AIDA: variants seen among roughly 807,000 people sequenced by gnomAD.
AIDA encodes axin interactor, dorsalization-associated protein.
Under a neutral mutation model 42.7 loss-of-function variants are expected in AIDA, and 18 were observed. The ratio of observed to expected loss-of-function variants is 0.42; its 90% CI spans 0.29 to 0.63. The LOEUF (loss-of-function observed/expected upper bound fraction) is 0.63, where lower values mean the gene tolerates loss of function less well. AIDA is among the 20% of genes least tolerant of loss of function. The pLI, the probability that AIDA is intolerant of heterozygous loss-of-function variation, is 0.19. For synonymous variants in AIDA, 104 were observed against 122.9 expected (o/e 0.85, Z 1.02); for missense variants, 250 against 354.1 (o/e 0.71, Z 2.36).
At chr1:222,688,889 G>A (rs184556110) in intron 4 of AIDA, among the ~76,000 whole-genome samples, 3 of 152,124 alleles carry the variant, frequency 2.0e-5, no homozygotes, top group East Asian at 3.9e-4. Context: ...AACAGCCTCA[G>A]GCAGGTCCTT....
rs766051663 is a variant in AIDA at position 222,687,634 on chromosome 1, T to C, written c.314A>G (p.Asn105Ser). ...CTGAACATCAAATGGGAATTCTTTA[T>C]TATATGTAAGAATATTCTTTAGGAC... ...EPILKNILTYNKEFPFDVQPV... is the reference protein window; with the variant it reads ...EPILKNILTYSKEFPFDVQPV... The change falls in exon 5 of 10, where the codon AAT (asparagine) becomes AGT (serine). Residue 105 changes from asparagine to serine, a missense_variant. Coordinates refer to ENST00000340020, the MANE Select transcript of AIDA (RefSeq NM_022831.4). The C allele has an allele frequency of 1.3e-6, 2 of 1,496,190 alleles. No individual in the cohort carries two copies. Among genetic ancestry groups the C allele is most frequent in the South Asian group, 1.2e-5 (1 of 81,026 alleles). The allele number at this position is 1,496,190 out of a possible 1,614,324, so 92.7% of individuals were successfully genotyped here.
intron 4 of AIDA, among the ~76,000 whole-genome samples, chr1:222,692,515 T>C (rs1416308938): frequency 6.6e-6 from 1 of 152,210 alleles, no homozygotes; most frequent in Non-Finnish European, 1.5e-5. Flanking sequence ...GATTATTTTT[T>C]AATTATGAGA....
At chr1:222,692,478 A>G (rs1412559132) in intron 4 of AIDA, among the ~76,000 whole-genome samples, 2 of 152,338 alleles carry the variant, frequency 1.3e-5, no homozygotes, top group East Asian at 3.9e-4. Context: ...TGTGGTAGGC[A>G]AAATGGGTAA....
chr1:222,705,424 T>TA (rs1351078220), intron 1 of AIDA, among the ~76,000 whole-genome samples: 1 of 152,226 alleles, frequency 6.6e-6, no homozygotes, highest in East Asian at 1.9e-4. Flanking sequence ...TCAGGGAAGT[T>TA]ACAGTGTGGA....
intron 1 of AIDA, among the ~76,000 whole-genome samples, chr1:222,704,184 G>A (rs567282997): frequency 5.8e-4 from 88 of 152,270 alleles, no homozygotes; most frequent in African/African-American, 2.0e-3. Flanking sequence ...AACAGGTACT[G>A]ACAGGATGTG....
Position 222,668,873 on chromosome 1 carries a change from T to C in AIDA, c.*1020A>G, listed in dbSNP as rs1157554310. 1.3e-5 allele frequency: 2 copies of C among 149,986 alleles called. No individual in the cohort carries two copies. Among genetic ancestry groups the C allele is most frequent in the Non-Finnish European group, 3.0e-5 (2 of 67,528 alleles). 9.3% of individuals were successfully genotyped at this position (149,986 alleles called of 1,614,324 possible). The stretch of plus-strand genomic sequence containing the variant: ...TAGTAAGCTAATGACCTGCATATTT[T>C]CATATGGATGAATGTCAGTATATCT... On this transcript the variant is annotated 3_prime_UTR_variant, in exon 10 of 10. Transcript: ENST00000340020.
intron 1 of AIDA, among the ~76,000 whole-genome samples, chr1:222,711,068 G>A (rs944044545): frequency 2.4e-5 from 3 of 126,112 alleles, no homozygotes; most frequent in Non-Finnish European, 4.8e-5. Context: ...ATTCTTGCCA[G>A]AAATCGTTGT....
At chr1:222,703,355 A>T in intron 1 of AIDA, 138 bp from the exon 2 acceptor site, 1 of 526,938 alleles carries the variant, frequency 1.9e-6, no homozygotes. Context: ...TGAGAACCAA[A>T]TTCTTCTCAA....
At position 222,694,258 on chromosome 1, in the gene AIDA, G is replaced by T. The variant is rs1228712498; in HGVS notation, c.186C>A (p.Thr62=). The part of the protein sequence containing the change: ...NSEFTEEQKK[T]IGKIATCLEL... Reference sequence around the variant, plus strand: ...CCAAGCATGTTGCAATTTTGCCTATGGTTTTCTGCAGGGGAATAAAAAAAG... The same window carrying T: ...CCAAGCATGTTGCAATTTTGCCTATTGTTTTCTGCAGGGGAATAAAAAAAG... Residue 62 remains threonine (T), a synonymous_variant, in exon 3 of 10, where the codon ACC becomes ACA. Transcript: ENST00000340020. 1.9e-6 allele frequency: 3 copies of T among 1,611,212 alleles called. No homozygotes were observed. Among genetic ancestry groups the T allele is most frequent in the Non-Finnish European group, 2.5e-6 (3 of 1,178,936 alleles).
intron 4 of AIDA, among the ~76,000 whole-genome samples, chr1:222,689,469 A>G (rs866548112): frequency 9.5e-4 from 58 of 61,318 alleles, no homozygotes; most frequent in African/African-American, 3.3e-3. Context: ...GAAAATATGT[A>G]TGTGTGTGTG....
chr1:222,685,258 T>C (rs556482820), intron 6 of AIDA, among the ~76,000 whole-genome samples: 2 of 152,358 alleles, frequency 1.3e-5, no homozygotes, highest in South Asian at 4.1e-4. Flanking sequence ...AAATGGTTTA[T>C]ACTTAGTATC....
At chr1:222,679,775 C>T (rs1265443203) in intron 6 of AIDA, among the ~76,000 whole-genome samples, 1 of 152,210 alleles carries the variant, frequency 6.6e-6, no homozygotes. Flanking sequence ...AAATGACCTC[C>T]CCATCTCAAG....
At position 222,712,113 on chromosome 1, in the gene AIDA, T is replaced by TGGCTGCAG; in HGVS notation, c.110+87_110+94dup. The stretch of plus-strand genomic sequence containing the variant: ...TGCGGAGCCCCACCCTGAGAAGCCT[T>TGGCTGCAG]GGCTGCAGATACGGTGATGAGAGAC... On this transcript the variant is annotated intron_variant, in intron 1 of 9. Transcript: ENST00000340020. 2.0e-6 allele frequency: 3 copies of TGGCTGCAG among 1,532,066 alleles called. No individual in the cohort carries two copies. In the Admixed American group the frequency reaches 6.0e-5, roughly 31 times the overall value. 94.9% of individuals were successfully genotyped at this position (1,532,066 alleles called of 1,614,324 possible).
At chr1:222,704,163 A>G (rs1352760952) in intron 1 of AIDA, among the ~76,000 whole-genome samples, 6 of 152,218 alleles carry the variant, frequency 3.9e-5, no homozygotes, top group Non-Finnish European at 7.3e-5. Context: ...TGGGGGAAAG[A>G]GAGAGAAGAC....
At chr1:222,693,541 G>A (rs959631571) in intron 4 of AIDA, among the ~76,000 whole-genome samples, 3 of 152,198 alleles carry the variant, frequency 2.0e-5, no homozygotes, top group East Asian at 3.9e-4. Context: ...TTATTAAAGT[G>A]AGTAAGACAA....
At chr1:222,689,477 GTGTGTATATATATA>G (rs1655290800) in intron 4 of AIDA, among the ~76,000 whole-genome samples, 1 of 27,970 alleles carries the variant, frequency 3.6e-5, no homozygotes, top group African/African-American at 2.0e-4. Context: ...GTATGTGTGT[GTGTGTATATATATA>G]TATATATATA....
At chr1:222,681,250 A>G (rs1664647942) in intron 6 of AIDA, among the ~76,000 whole-genome samples, 1 of 152,180 alleles carries the variant, frequency 6.6e-6, no homozygotes, top group African/African-American at 2.4e-5. Flanking sequence ...GACACTGTCA[A>G]CTCATGGCTT....
chr1:222,676,092 T>C lies in AIDA; in HGVS notation c.583+4A>G. 6.4e-7 allele frequency: 1 copy of C among 1,560,316 alleles called. No homozygotes were observed. The highest frequency in any genetic ancestry group is 8.6e-7 in the Non-Finnish European group (1 of 1,158,496). On this transcript the variant is annotated splice_donor_region_variant and intron_variant, in intron 7 of 9. Transcript: ENST00000340020. ...AGAAAAAAAAAGTAAACAGAGTCAC[T>C]TACCCTTTACACTAACTGTAATATA...
At chr1:222,690,477 A>G (rs1047049669) in intron 4 of AIDA, among the ~76,000 whole-genome samples, 1 of 152,178 alleles carries the variant, frequency 6.6e-6, no homozygotes, top group African/African-American at 2.4e-5. Context: ...TTCATGGCAT[A>G]AACTGGAAGA....
Sources: allele counts gnomAD v4.1 joint callset (sites outside exome capture counted in the v4.1 genomes callset), GRCh38; gene constraint gnomAD v4.1.1; transcripts MANE v1.5; gene names NCBI Gene and HGNC (gene_info 2026-07-23, HGNC 2026-07-21).